Variants in CYP19A1 observed in about 807,000 individuals in gnomAD.
CYP19A1 encodes the protein aromatase.
Under a neutral mutation model 44.4 loss-of-function variants are expected in CYP19A1, and 32 were observed. The ratio of observed to expected loss-of-function variants is 0.72; its 90% CI spans 0.54 to 0.97. The LOEUF is 0.97. Among genes scored for constraint, CYP19A1 ranks in the 50% least tolerant of loss-of-function variants. The pLI, the probability that CYP19A1 is intolerant of heterozygous loss-of-function variation, is 0.00. For synonymous variants in CYP19A1, 212 were observed against 215.6 expected (o/e 0.98, Z 0.14); for missense variants, 598 against 637.8 (o/e 0.94, Z 0.67).
intron 1 of CYP19A1, among the ~76,000 whole-genome samples, chr15:51,274,513 G>C (rs2035236280): frequency 6.6e-6 from 1 of 152,204 alleles, no homozygotes; most frequent in African/African-American, 2.4e-5. Flanking sequence ...TGATGGTCAT[G>C]CCAAATGCAA....
chr15:51,225,363 C>A (rs1467302973), intron 4 of CYP19A1, among the ~76,000 whole-genome samples: 1 of 152,200 alleles, frequency 6.6e-6, no homozygotes, highest in East Asian at 1.9e-4. Context: ...TCCTAATACA[C>A]CTGAGCCAAA....
intron 1 of CYP19A1, among the ~76,000 whole-genome samples, chr15:51,327,647 G>A (rs1241867471): frequency 6.6e-6 from 1 of 152,116 alleles, no homozygotes; most frequent in African/African-American, 2.4e-5. Flanking sequence ...GCCAGGCTCA[G>A]CCCAACAGAC....
intron 1 of CYP19A1, among the ~76,000 whole-genome samples, chr15:51,317,882 G>C (rs980702526): frequency 6.6e-6 from 1 of 152,214 alleles, no homozygotes; most frequent in Admixed American, 6.5e-5. Context: ...ACTTGGTCCA[G>C]TGCTATCCTT....
At chr15:51,223,532 G>A (rs534780110) in intron 4 of CYP19A1, among the ~76,000 whole-genome samples, 41 of 147,602 alleles carry the variant, frequency 2.8e-4, no homozygotes, top group South Asian at 1.3e-3. Context: ...CTTTGTAGAC[G>A]TAACTCCAGA....
chr15:51,286,132 A>C (rs1191053437), intron 1 of CYP19A1, among the ~76,000 whole-genome samples: 1 of 152,124 alleles, frequency 6.6e-6, no homozygotes, highest in Non-Finnish European at 1.5e-5. Flanking sequence ...GGCCTGATCC[A>C]ACTCTCCAGG....
chr15:51,307,344 C>T (rs1173927459), intron 1 of CYP19A1, among the ~76,000 whole-genome samples: 1 of 152,184 alleles, frequency 6.6e-6, no homozygotes, highest in Non-Finnish European at 1.5e-5. Context: ...ATTGATGTCA[C>T]AAGGCTTCAA....
chr15:51,331,242 C>G (rs1253546804), intron 1 of CYP19A1, among the ~76,000 whole-genome samples: 1 of 152,150 alleles, frequency 6.6e-6, no homozygotes, highest in Non-Finnish European at 1.5e-5. Flanking sequence ...CAGACCCACT[C>G]ATCACAGGCA....
chr15:51,284,808 A>G (rs942804692), intron 1 of CYP19A1, among the ~76,000 whole-genome samples: 4 of 152,240 alleles, frequency 2.6e-5, no homozygotes, highest in African/African-American at 7.2e-5. Context: ...AGATAATTAT[A>G]TGGGGAAGAA....
In CYP19A1 at chr15:51,237,021, G is replaced by T. The variant is rs1175878042; in HGVS notation, c.146-12C>A. On this transcript the variant is annotated splice_polypyrimidine_tract_variant and intron_variant, in intron 2 of 9. Transcript: ENST00000396402. ...GCAGTAGCCAGGACCTAGGACAGGT[G>T]TCAGAGCATAAGCAACATCTTAGTT... The T allele has an allele frequency of 1.9e-6, 3 of 1,614,128 alleles. No individual in the cohort carries two copies. Among genetic ancestry groups the T allele is most frequent in the Non-Finnish European group, 2.5e-6 (3 of 1,179,978 alleles).
Position 51,210,886 on chromosome 15 carries a change from G to T in CYP19A1, c.1434C>A (p.Ser478=). ...VESIQKIHDL[S]LHPDETKNML... ...TGTTTTTAGTCTCATCTGGGTGCAA[G>T]GACAAGTCGTGTATCTTCTGTATGC... Residue 478 remains serine, a synonymous_variant, in exon 10 of 10, where the codon TCC becomes TCA. Coordinates refer to ENST00000396402, the MANE Select transcript of CYP19A1 (RefSeq NM_000103.4). 6.3e-7 allele frequency: 1 copy of T among 1,592,458 alleles called. No individual in the cohort carries two copies. Among genetic ancestry groups the T allele is most frequent in the Non-Finnish European group, 8.6e-7 (1 of 1,160,186 alleles).
intron 4 of CYP19A1, among the ~76,000 whole-genome samples, chr15:51,225,117 G>A (rs1390048298): frequency 6.6e-6 from 1 of 152,140 alleles, no homozygotes; most frequent in Admixed American, 6.6e-5. Flanking sequence ...GTAGTATTTG[G>A]TGATGTGCTG....
Position 51,324,511 on chromosome 15 carries a change from A to G in CYP19A1, c.-39+13984T>C, listed in dbSNP as rs540234234. Among the ~76,000 whole-genome samples, 11 of 152,376 alleles carry G rather than the reference A, an allele frequency of 7.2e-5. No homozygotes were observed. In the South Asian group the frequency reaches 2.1e-3, roughly 29 times the overall value. ...TAAGTAATGTACCCTGTGTGACAACATAACAGACCAATGAGGTTAGAACCA... is the reference window on the plus strand; with the variant it reads ...TAAGTAATGTACCCTGTGTGACAACGTAACAGACCAATGAGGTTAGAACCA... On this transcript the variant is annotated intron_variant, in intron 1 of 9. Coordinates refer to ENST00000396402, the MANE Select transcript of CYP19A1 (RefSeq NM_000103.4).
intron 1 of CYP19A1, among the ~76,000 whole-genome samples, chr15:51,294,679 T>TGGG (rs748228800): frequency 6.7e-5 from 7 of 104,264 alleles, no homozygotes; most frequent in African/African-American, 1.1e-4. Context: ...GGGAGGGAGG[T>TGGG]GGGGGGTCAG....
chr15:51,216,335 T>A (rs2031574099), intron 6 of CYP19A1, among the ~76,000 whole-genome samples: 1 of 152,198 alleles, frequency 6.6e-6, no homozygotes, highest in South Asian at 2.1e-4. Flanking sequence ...CACTGCAGCC[T>A]CTGCCTCCTG....
chr15:51,310,283 G>A (rs59944627), intron 1 of CYP19A1, among the ~76,000 whole-genome samples: 22,065 of 152,098 alleles, frequency 0.15, 2,984 homozygotes, highest in African/African-American at 0.35. Flanking sequence ...ATTGCGAAAA[G>A]AAGTCAAAAT....
intron 1 of CYP19A1, among the ~76,000 whole-genome samples, chr15:51,320,603 G>A (rs1293222727): frequency 6.6e-6 from 1 of 152,090 alleles, no homozygotes; most frequent in African/African-American, 2.4e-5. Context: ...TCTCAATCTG[G>A]GAAGACACCA....
At position 51,327,129 on chromosome 15, in the gene CYP19A1, A is replaced by G. The variant is rs180954190; in HGVS notation, c.-39+11366T>C. Among the ~76,000 whole-genome samples, 28 of 152,346 alleles carry G rather than the reference A, an allele frequency of 1.8e-4. No homozygotes were observed. The East Asian group carries it at 5.4e-3, about 29-fold the overall frequency. Reference sequence around the variant, plus strand: ...AATTATCTAGCATCTTGAAAGAATAAACATGAGTAACATTTAGAAGTAAAG... The same window carrying G: ...AATTATCTAGCATCTTGAAAGAATAGACATGAGTAACATTTAGAAGTAAAG... On this transcript the variant is annotated intron_variant, in intron 1 of 9. Transcript: ENST00000396402.
intron 5 of CYP19A1, chr15:51,222,117 TA>T: frequency 1.5e-6 from 1 of 672,326 alleles, no homozygotes; most frequent in Non-Finnish European, 2.4e-6. Context: ...TTTCCTAGAG[TA>T]ATGAGGAAAG....
intron 1 of CYP19A1, among the ~76,000 whole-genome samples, chr15:51,274,970 C>T (rs2035253990): frequency 6.6e-6 from 1 of 152,156 alleles, no homozygotes; most frequent in Admixed American, 6.5e-5. Context: ...CTGCCCCAGC[C>T]ACACCTGGGC....
Sources: gnomAD v4.1 joint callset for allele counts (sites outside exome capture counted in the v4.1 genomes callset) on GRCh38, gnomAD v4.1.1 for gene constraint, MANE v1.5 for transcripts, NCBI Gene and HGNC (gene_info 2026-07-23, HGNC 2026-07-21) for gene names.